The following CTSC variants were observed in gnomAD, a reference collection of about 807,000 sequenced individuals.
CTSC encodes cathepsin C, also known as dipeptidyl peptidase 1.
In CTSC, 37 loss-of-function variants were observed where a neutral mutation model predicts 40.9. The ratio of observed to expected loss-of-function variants is 0.91; its 90% confidence interval spans 0.70 to 1.19. The LOEUF (loss-of-function observed/expected upper bound fraction) is 1.19, where lower values mean the gene tolerates loss of function less well. Ranked by LOEUF, CTSC falls within the 50% of genes most tolerant of loss-of-function variation. The pLI is 0.00. For missense variants in CTSC, 594 were observed against 567.3 expected (o/e 1.05, Z -0.48); for synonymous variants, 232 against 207.4 (o/e 1.12, Z -1.02).
chr11:88,322,708 G>A (rs1938056346), intron 2 of CTSC: 1 of 152,146 alleles, frequency 6.6e-6, no homozygotes, highest in Non-Finnish European at 1.5e-5. Flanking sequence ...ACACTCCCAA[G>A]ACTGAATCAG....
chr11:88,307,059 G>T (rs188410926), intron 4 of CTSC, among the ~76,000 whole-genome samples: 34 of 152,320 alleles, frequency 2.2e-4, no homozygotes, highest in African/African-American at 7.7e-4. Flanking sequence ...GGAGATAAGG[G>T]AACTCTCACA....
At chr11:88,320,881 A>T (rs913987851) in intron 2 of CTSC, 2 of 849,648 alleles carry the variant, frequency 2.4e-6, no homozygotes, top group Non-Finnish European at 2.8e-6. Context: ...ATCGTGTAAT[A>T]CATAGGGAAT....
Position 88,328,113 on chromosome 11 carries a change from C to T in CTSC, c.318+6824G>A, listed in dbSNP as rs537970455. 64 of 1,609,150 alleles carry T rather than the reference C, an allele frequency of 4.0e-5. No individual in the cohort carries two copies. In the Admixed American group the frequency reaches 9.0e-4, roughly 23 times the overall value. On this transcript the variant is annotated intron_variant, in intron 2 of 6. Coordinates refer to ENST00000227266, the MANE Select transcript of CTSC (RefSeq NM_001814.6). Reference sequence around the variant, plus strand: ...TAGAAATTTTTCAATGGAGCTCACCCAGTTTGTTCCTCAGATGTGGCAAAT... The same window carrying T: ...TAGAAATTTTTCAATGGAGCTCACCTAGTTTGTTCCTCAGATGTGGCAAAT...
At chr11:88,321,524 C>T (rs1938014436) in intron 2 of CTSC, 2 of 152,132 alleles carry the variant, frequency 1.3e-5, no homozygotes, top group African/African-American at 4.8e-5. Context: ...TAAGTGAGAA[C>T]ATGTGGTGGT....
chr11:88,298,649 A>G (rs1944324125), intron 5 of CTSC: 1 of 152,232 alleles, frequency 6.6e-6, no homozygotes, highest in Non-Finnish European at 1.5e-5. Context: ...GGAAACTTTA[A>G]GTACATTATT....
rs776722715 is a variant in CTSC, at chr11:88,296,180, G to A, written c.842C>T (p.Pro281Leu). Residue 281 changes from proline to leucine, a missense_variant, in exon 6 of 7, where the codon CCA (proline) becomes CTA (leucine). Physicochemically the swap from Pro to Leu is moderately conservative, Grantham distance 98 (BLOSUM62 -3). Transcript: ENST00000227266. ...IRILTNNSQT[P>L]ILSPQEVVSC... ...CACAACCTCCTGAGGGCTTAGGATT[G>A]GGGTCTGAGAATTGTTGGTTAGTAT... 2 of 1,613,984 alleles carry A rather than the reference G, an allele frequency of 1.2e-6. No homozygotes were observed. Among genetic ancestry groups the A allele is most frequent in the African/African-American group, 1.3e-5 (1 of 75,002 alleles).
intron 2 of CTSC, chr11:88,326,214 GT>G: frequency 1.4e-6 from 2 of 1,403,166 alleles, no homozygotes; most frequent in Non-Finnish European, 1.9e-6. Flanking sequence ...GATGTTTACT[GT>G]TTTCCAAGGG....
At chr11:88,299,426 G>A (rs1277190714) in intron 5 of CTSC, 3 of 152,144 alleles carry the variant, frequency 2.0e-5, no homozygotes, top group African/African-American at 7.2e-5. Context: ...ACTTTCTTTA[G>A]AGCTGAAGAG....
In CTSC at chr11:88,300,266, C is replaced by T. The variant is rs188791825; in HGVS notation, c.757+264G>A. Reference sequence around the variant, plus strand: ...GGACAAATGAGTTTGTCTTACATATCACTCTGATTGTCACTAGCTACCTGG... The same window carrying T: ...GGACAAATGAGTTTGTCTTACATATTACTCTGATTGTCACTAGCTACCTGG... On this transcript the variant is annotated intron_variant, in intron 5 of 6. Coordinates refer to ENST00000227266, the MANE Select transcript of CTSC (RefSeq NM_001814.6). Among the ~76,000 whole-genome samples, 162 of 152,312 alleles carry T rather than the reference C, an allele frequency of 1.1e-3. 1 individual carries two copies. Among genetic ancestry groups the T allele is most frequent in the African/African-American group, 3.8e-3 (156 of 41,562 alleles).
chr11:88,307,733 G>A (rs980786786), intron 4 of CTSC, among the ~76,000 whole-genome samples: 1 of 151,946 alleles, frequency 6.6e-6, no homozygotes, highest in Admixed American at 6.6e-5. Flanking sequence ...GTGTCATATC[G>A]TTTGAAAGCA....
At chr11:88,295,491 C>T (rs1461597192) in intron 6 of CTSC, among the ~76,000 whole-genome samples, 2 of 151,726 alleles carry the variant, frequency 1.3e-5, no homozygotes, top group African/African-American at 4.8e-5. Flanking sequence ...GTGATTCTTA[C>T]ACCTCCGCCT....
rs930421219 is a variant in CTSC at position 88,337,712 on chromosome 11, A to G, written c.-40T>C. On this transcript the variant is annotated 5_prime_UTR_variant, in exon 1 of 7. Transcript: ENST00000227266. ...AGAAAAGAGGTGAAGAATTACCAGGAAGCCGAGCGCTGCGGGCTAGCGGTG... is the reference window on the plus strand; with the variant it reads ...AGAAAAGAGGTGAAGAATTACCAGGGAGCCGAGCGCTGCGGGCTAGCGGTG... The G allele has an allele frequency of 6.4e-7, 1 of 1,551,054 alleles. No individual in the cohort carries two copies. Among genetic ancestry groups the G allele is most frequent in the Non-Finnish European group, 8.7e-7 (1 of 1,147,188 alleles).
intron 5 of CTSC, chr11:88,297,035 G>A (rs1047469896): frequency 6.6e-6 from 1 of 152,606 alleles, no homozygotes; most frequent in Non-Finnish European, 1.5e-5. Flanking sequence ...GATAGATAAC[G>A]TGTAACGGTG....
intron 4 of CTSC, among the ~76,000 whole-genome samples, chr11:88,308,433 G>A (rs12577244): frequency 0.046 from 6,916 of 151,768 alleles, 206 homozygotes; most frequent in East Asian, 0.1. Flanking sequence ...CTGGCTTTTT[G>A]AAATATCTTT....
At chr11:88,323,477 A>T (rs1938085902) in intron 2 of CTSC, 1 of 152,160 alleles carries the variant, frequency 6.6e-6, no homozygotes. Context: ...AGGAAGTCAA[A>T]TTGTCTTTGT....
chr11:88,326,403 T>C (rs373088376), intron 2 of CTSC: 1 of 1,613,888 alleles, frequency 6.2e-7, no homozygotes, highest in African/African-American at 1.3e-5. Flanking sequence ...TTCATGGCTG[T>C]GGTTTTAAAA....
In CTSC at chr11:88,294,256, AG is replaced by A. The variant is rs772132996; in HGVS notation, c.1141del (p.Leu381SerfsTer13). The part of the protein sequence containing the change: ...AVAFEVYDDF[L>X]HYKKGIYHHT... ...GTGGTAGATCCCCTTTTTGTAGTGG[AG>A]GAAGTCATCATATACTTCAAAAGCA... On this transcript the variant is annotated frameshift_variant, in exon 7 of 7. Transcript: ENST00000227266. LOFTEE classifies it high-confidence loss of function. 2.6e-5 allele frequency: 42 copies of A among 1,613,898 alleles called. No homozygotes were observed. The highest frequency in any genetic ancestry group is 1.7e-4 in the Admixed American group (10 of 59,964).
intron 2 of CTSC, among the ~76,000 whole-genome samples, chr11:88,320,379 CACTT>C (rs1032439879): frequency 1.3e-5 from 2 of 152,192 alleles, no homozygotes; most frequent in Non-Finnish European, 2.9e-5. Context: ...GCTCATTCCT[CACTT>C]ACTTACTCAT....
At position 88,310,048 on chromosome 11, in the gene CTSC, A is replaced by T. The variant is rs565428012; in HGVS notation, c.486-730T>A. 1.7e-3 allele frequency among the ~76,000 whole-genome samples: 260 copies of T among 152,286 alleles called. 1 individual carries two copies. The highest frequency in any genetic ancestry group is 5.6e-3 in the African/African-American group (233 of 41,564). On this transcript the variant is annotated intron_variant, in intron 3 of 6. Transcript: ENST00000227266. ...ACCATATGATACTAAAAGAAATTAT[A>T]CTTTATGGACATTCGGTTTATACTT...
Sources: gnomAD v4.1 joint callset for allele counts (sites outside exome capture counted in the v4.1 genomes callset) on GRCh38, gnomAD v4.1.1 for gene constraint, MANE v1.5 for transcripts, NCBI Gene and HGNC (gene_info 2026-07-23, HGNC 2026-07-21) for gene names.